FBXW2: variants seen among roughly 807,000 people sequenced by gnomAD.
The protein encoded by FBXW2 is F-box/WD repeat-containing protein 2.
FBXW2 carries 12 observed loss-of-function variants against 46.0 expected under a neutral mutation model. The observed-to-expected ratio is 0.26, with a 90% CI of 0.17 to 0.42. FBXW2 has a LOEUF of 0.42. FBXW2 is among the 10% of genes least tolerant of loss of function. FBXW2 has a pLI of 1.00. For synonymous variants in FBXW2, 203 were observed against 209.6 expected (o/e 0.97, Z 0.27); for missense variants, 360 against 537.0 (o/e 0.67, Z 3.26).
At chr9:120,777,933 C>G (rs1156497126) in intron 4 of FBXW2, among the ~76,000 whole-genome samples, 1 of 152,038 alleles carries the variant, frequency 6.6e-6, no homozygotes, top group Non-Finnish European at 1.5e-5. Flanking sequence ...GAACCACCGT[C>G]ACACCAAAGA....
intron 7 of FBXW2, among the ~76,000 whole-genome samples, chr9:120,765,270 T>C (rs1448456131): frequency 1.3e-5 from 2 of 152,100 alleles, no homozygotes; most frequent in African/African-American, 2.4e-5. Flanking sequence ...AATTTTTGTA[T>C]TTTTAGTAGA....
chr9:120,789,554 A>G (rs967241578), intron 2 of FBXW2, among the ~76,000 whole-genome samples: 1 of 152,210 alleles, frequency 6.6e-6, no homozygotes, highest in Admixed American at 6.5e-5. Context: ...TTATTTCCAT[A>G]TATTTAAATA....
At chr9:120,781,955 G>A (rs1487284372) in intron 3 of FBXW2, among the ~76,000 whole-genome samples, 2 of 151,204 alleles carry the variant, frequency 1.3e-5, no homozygotes, top group African/African-American at 2.4e-5. Flanking sequence ...CCCGGGAGGC[G>A]GAGGTTGCGG....
chr9:120,785,173 T>A (rs1477383870), intron 3 of FBXW2, among the ~76,000 whole-genome samples: 1 of 151,958 alleles, frequency 6.6e-6, no homozygotes, highest in East Asian at 2.0e-4. Context: ...CACACCCAGC[T>A]GTTTTTTTAT....
rs2044152406 is a variant in FBXW2 at position 120,758,475 on chromosome 9, T to G, written c.*6084A>C. The G allele has an allele frequency of 6.6e-6, 1 of 152,266 alleles. No individual in the cohort carries two copies. Among genetic ancestry groups the G allele is most frequent in the Non-Finnish European group, 1.5e-5 (1 of 68,070 alleles). The allele number at this position is 152,266 out of a possible 1,614,324, so 9.4% of individuals were successfully genotyped here. A position where few individuals can be genotyped will look rare whatever the true frequency, so the allele number is the denominator to read the frequency against. Reference sequence around the variant, plus strand: ...GCAAGTAAGTGCTCAAAGAAGTGGTTGGGGAGACTCCCTGGAAGCAAAGCA... The same window carrying G: ...GCAAGTAAGTGCTCAAAGAAGTGGTGGGGGAGACTCCCTGGAAGCAAAGCA... On this transcript the variant is annotated 3_prime_UTR_variant, in exon 8 of 8. Coordinates refer to ENST00000608872, the MANE Select transcript of FBXW2 (RefSeq NM_012164.4).
chr9:120,771,355 T>C lies in FBXW2; in HGVS notation c.1069A>G (p.Ile357Val). 6.2e-7 allele frequency: 1 copy of C among 1,609,972 alleles called. No homozygotes were observed. The change falls in exon 7 of 8, where the codon ATT becomes GTT. Residue 357 changes from isoleucine (I) to valine (V), a missense_variant. Ile to Val is a conservative substitution (Grantham distance 29). Transcript: ENST00000608872. ...GGTCGAAGGAAACATTACCTGAGAA[T>C]ATCATAACTGGCAAAGTCCCACTGG... ...LYQWDFASYD[I>V]LRVIKTPEIA...
chr9:120,792,914 G>A (rs1476616243), intron 2 of FBXW2: 1 of 1,528,034 alleles, frequency 6.5e-7, no homozygotes, highest in Non-Finnish European at 8.8e-7. Flanking sequence ...CCACAATTAT[G>A]GCGCAGTATA....
chr9:120,778,017 C>T (rs1227613906), intron 4 of FBXW2, among the ~76,000 whole-genome samples: 1 of 151,224 alleles, frequency 6.6e-6, no homozygotes, highest in Non-Finnish European at 1.5e-5. Flanking sequence ...GGTATGGAAT[C>T]TGATAAAAGC....
rs1158278434 is a variant in FBXW2, at chr9:120,758,216, C to T, written c.*6343G>A. 1 of 152,204 alleles carries T rather than the reference C, an allele frequency of 6.6e-6. No individual in the cohort carries two copies. 9.4% of individuals were successfully genotyped at this position (152,204 alleles called of 1,614,324 possible). ...GGCTGGAGTGGGGTATGGTGGTCAG[C>T]AGAGGCTTTAAAGATAGTGGGAGAT... On this transcript the variant is annotated 3_prime_UTR_variant, in exon 8 of 8. Coordinates refer to ENST00000608872, the MANE Select transcript of FBXW2 (RefSeq NM_012164.4).
chr9:120,782,051 TGA>T (rs1211898071), intron 3 of FBXW2, among the ~76,000 whole-genome samples: 1 of 150,612 alleles, frequency 6.6e-6, no homozygotes, highest in Non-Finnish European at 1.5e-5. Flanking sequence ...AATAAAATTC[TGA>T]GATGTTATGA....
intron 2 of FBXW2, 101 bp from the exon 3 acceptor site, chr9:120,788,379 A>G: frequency 1.8e-6 from 2 of 1,127,068 alleles, no homozygotes; most frequent in Non-Finnish European, 2.5e-6. Context: ...AAAATCTGCC[A>G]TTACAACTTT....
intron 2 of FBXW2, among the ~76,000 whole-genome samples, chr9:120,790,267 G>A (rs371235666): frequency 1.3e-3 from 197 of 152,228 alleles, no homozygotes; most frequent in African/African-American, 3.9e-3. Flanking sequence ...GCCGGATCAC[G>A]AGGTCAGGAG....
intron 7 of FBXW2, among the ~76,000 whole-genome samples, chr9:120,765,724 C>G (rs1333973548): frequency 5.9e-5 from 9 of 151,966 alleles, no homozygotes; most frequent in Admixed American, 5.9e-4. Context: ...ACAGTAAAGG[C>G]TGAAAATATT....
intron 3 of FBXW2, among the ~76,000 whole-genome samples, chr9:120,784,775 C>G (rs1022202758): frequency 5.3e-5 from 8 of 151,676 alleles, no homozygotes; most frequent in African/African-American, 9.7e-5. Context: ...CAAAAATTAG[C>G]CGGGCTGTGG....
At chr9:120,778,911 G>C (rs895071098) in intron 3 of FBXW2, among the ~76,000 whole-genome samples, 1 of 152,194 alleles carries the variant, frequency 6.6e-6, no homozygotes, top group African/African-American at 2.4e-5. Context: ...ACACATGACT[G>C]CATGTTTACA....
At chr9:120,764,982 G>T in intron 7 of FBXW2, 135 bp from the exon 8 acceptor site, 1 of 734,770 alleles carries the variant, frequency 1.4e-6, no homozygotes, top group Non-Finnish European at 2.0e-6. Context: ...TTGATAAAAA[G>T]TAAAATATAA....
At chr9:120,787,104 C>T (rs1263195891) in intron 3 of FBXW2, among the ~76,000 whole-genome samples, 2 of 152,234 alleles carry the variant, frequency 1.3e-5, no homozygotes, top group Non-Finnish European at 2.9e-5. Context: ...TCTCAGCTCA[C>T]TGGAACCTCC....
chr9:120,768,089 C>T (rs1255058572), intron 7 of FBXW2, among the ~76,000 whole-genome samples: 2 of 152,144 alleles, frequency 1.3e-5, no homozygotes, highest in African/African-American at 4.8e-5. Flanking sequence ...AAGGAATTTC[C>T]TTCAATTTCT....
chr9:120,782,039 A>AAG (rs1554808404), intron 3 of FBXW2, among the ~76,000 whole-genome samples: 1 of 151,532 alleles, frequency 6.6e-6, no homozygotes, highest in Non-Finnish European at 1.5e-5. Context: ...AAAAAAAAAA[A>AAG]GAATAAAATT....
Sources: allele counts gnomAD v4.1 joint callset (sites outside exome capture counted in the v4.1 genomes callset), GRCh38; gene constraint gnomAD v4.1.1; transcripts MANE v1.5; gene names NCBI Gene and HGNC (gene_info 2026-07-23, HGNC 2026-07-21).